Variants in RPL10A observed in about 807,000 individuals in gnomAD.
The protein encoded by RPL10A is large ribosomal subunit protein uL1.
A neutral mutation model predicts 24.6 loss-of-function variants in RPL10A; 11 were observed. That is an observed-to-expected ratio of 0.45 (90% CI 0.28 to 0.74). The LOEUF is 0.74. RPL10A is among the 30% of genes least tolerant of loss of function. The probability of loss-of-function intolerance (pLI) is 0.13; values close to 1 mark genes in which losing one functional copy is unlikely to be tolerated. For missense variants in RPL10A, 136 were observed against 273.1 expected, an observed-to-expected ratio of 0.50 and a Z score of 3.54; for synonymous variants, 98 against 108.5, an observed-to-expected ratio of 0.90 and a Z score of 0.60.
In RPL10A at chr6:35,470,405, T is replaced by A; in HGVS notation, c.483+54T>A. On this transcript the variant is annotated intron_variant, in intron 5 of 5. Transcript: ENST00000322203. The surrounding 1 kb of genome is among the most constrained non-coding windows in gnomAD (Gnocchi z 4.6). Reference sequence around the variant, plus strand: ...TGAAGGTGTTGGCAGGGTCTAAATCTTATCCAAGTCTCTAAATATGCCAGT... The same window carrying A: ...TGAAGGTGTTGGCAGGGTCTAAATCATATCCAAGTCTCTAAATATGCCAGT... 6.4e-7 allele frequency: 1 copy of A among 1,564,814 alleles called. No individual in the cohort carries two copies. The highest frequency in any genetic ancestry group is 2.3e-5 in the East Asian group (1 of 44,432).
rs996425597 is a variant in RPL10A at position 35,469,318 on chromosome 6, C to G, written c.162-63C>G. ...TCGGTGGCTGCTGCGGTCCCAGACC[C>G]TTCACCGGCCCTTGGGACCCAGGGC... is the stretch of plus-strand genomic sequence containing the variant. On this transcript the variant is annotated intron_variant, in intron 3 of 5. Coordinates refer to ENST00000322203, the MANE Select transcript of RPL10A (RefSeq NM_007104.5). The G allele has an allele frequency of 1.4e-5, 22 of 1,526,624 alleles. No individual in the cohort carries two copies. In the Admixed American group the frequency reaches 4.8e-4, roughly 33 times the overall value. The allele number at this position is 1,526,624 out of a possible 1,614,324, so 94.6% of individuals were successfully genotyped here.
In RPL10A at chr6:35,470,185, A is replaced by C; in HGVS notation, c.317A>C (p.Lys106Thr). 6.2e-7 allele frequency: 1 copy of C among 1,613,080 alleles called. No individual in the cohort carries two copies. ...NKKLVKKLAK[K>T]YDAFLASESL... ...GGCTTCCTCTCTCTATCAGCCAAGA[A>C]GTATGATGCGTTTTTGGCCTCAGAG... Residue 106 changes from lysine to threonine, a missense_variant, in exon 5 of 6, where the codon AAG (lysine) becomes ACG (threonine). This residue lies in a region of RPL10A where 88 missense variants were observed against 149.2 expected (regional missense o/e 0.59). Transcript: ENST00000322203. The surrounding 1 kb of genome is among the most constrained non-coding windows in gnomAD (Gnocchi z 4.6).
rs1055282252 is a variant in RPL10A at position 35,468,933 on chromosome 6, C to A, written c.81-14C>A. The A allele has an allele frequency of 6.2e-6, 10 of 1,613,938 alleles. No homozygotes were observed. The highest frequency in any genetic ancestry group is 1.7e-5 in the Admixed American group (1 of 60,028). On this transcript the variant is annotated splice_polypyrimidine_tract_variant and intron_variant, in intron 2 of 5. Coordinates refer to ENST00000322203, the MANE Select transcript of RPL10A (RefSeq NM_007104.5). ...GAGGGCCGGCGGGTGCTTAACCCCC[C>A]TCCTCTCTCGAAGGTTCCTGGAGAC...
rs1423418843 is a variant in RPL10A, at chr6:35,470,204, C to T, written c.336C>T (p.Ala112=). ...CCAAGAAGTATGATGCGTTTTTGGC[C>T]TCAGAGTCTCTGATCAAGCAGATTC... is the stretch of plus-strand genomic sequence containing the variant. ...KLAKKYDAFL[A]SESLIKQIPR... The change falls in exon 5 of 6, where the codon GCC becomes GCT. Residue 112 remains alanine, a synonymous_variant. Coordinates refer to ENST00000322203, the MANE Select transcript of RPL10A (RefSeq NM_007104.5). This position sits in a 1 kb window ranked among gnomAD's most constrained non-coding sequence, Gnocchi z 4.6. The T allele has an allele frequency of 2.5e-6, 4 of 1,613,428 alleles. No homozygotes were observed. In the Admixed American group the frequency reaches 5.0e-5, roughly 20 times the overall value.
At position 35,468,969 on chromosome 6, in the gene RPL10A, C is replaced by T. The variant is rs761240668; in HGVS notation, c.103C>T (p.Gln35Ter). 6.2e-7 allele frequency: 1 copy of T among 1,613,896 alleles called. No homozygotes were observed. The highest frequency in any genetic ancestry group is 2.2e-5 in the East Asian group (1 of 44,860). ...AAGGTTCCTGGAGACGGTGGAGTTG[C>T]AGATCAGCTTGAAGAACTATGATCC... ...RRKFLETVEL[Q>*]ISLKNYDPQK... The change falls in exon 3 of 6, where the codon CAG becomes TAG. Residue 35 changes from glutamine to a stop codon, truncating the protein, a stop_gained. Coordinates refer to ENST00000322203, the MANE Select transcript of RPL10A (RefSeq NM_007104.5). LOFTEE classifies it high-confidence loss of function.
intron 3 of RPL10A, 96 bp downstream of exon 3, chr6:35,469,123 T>C: frequency 6.4e-7 from 1 of 1,563,030 alleles, no homozygotes; most frequent in Non-Finnish European, 8.7e-7. Context: ...ACGTCGGTAC[T>C]GATGTGCTAG....
At position 35,468,932 on chromosome 6, in the gene RPL10A, C is replaced by T. The variant is rs768838367; in HGVS notation, c.81-15C>T. On this transcript the variant is annotated splice_polypyrimidine_tract_variant and intron_variant, in intron 2 of 5. Transcript: ENST00000322203. ...CGAGGGCCGGCGGGTGCTTAACCCC[C>T]CTCCTCTCTCGAAGGTTCCTGGAGA... 6 of 1,613,890 alleles carry T rather than the reference C, an allele frequency of 3.7e-6. No homozygotes were observed. The highest frequency in any genetic ancestry group is 3.3e-5 in the Admixed American group (2 of 60,014).
intron 1 of RPL10A, 116 bp from the exon 2 acceptor site, chr6:35,468,683 G>A (rs992339798): frequency 3.9e-6 from 6 of 1,525,454 alleles, no homozygotes; most frequent in African/African-American, 1.4e-5. Context: ...CGGAATCTAC[G>A]GGGGAGTCCG....
At position 35,469,414 on chromosome 6, in the gene RPL10A, G is replaced by T. The variant is rs372501334; in HGVS notation, c.195G>T (p.Val65=). The change falls in exon 4 of 6, where the codon GTG becomes GTT. Residue 65 remains valine, a synonymous_variant. Transcript: ENST00000322203. ...CCACTCCCCGCCCTAAGTTCTCTGT[G>T]TGTGTCCTGGGGGACCAGCAGCACT... The part of the protein sequence containing the change: ...LKSTPRPKFS[V]CVLGDQQHCD... 1.2e-6 allele frequency: 2 copies of T among 1,612,344 alleles called. No individual in the cohort carries two copies. Among genetic ancestry groups the T allele is most frequent in the Non-Finnish European group, 1.7e-6 (2 of 1,179,750 alleles).
rs753412511 is a variant in RPL10A, at chr6:35,468,844, C to T, written c.51C>T (p.Val17=). 1.4e-5 allele frequency: 22 copies of T among 1,611,962 alleles called. No homozygotes were observed. In the South Asian group the frequency reaches 2.0e-4, roughly 15 times the overall value. Residue 17 remains valine, a synonymous_variant, in exon 2 of 6, where the codon GTC becomes GTT. Coordinates refer to ENST00000322203, the MANE Select transcript of RPL10A (RefSeq NM_007104.5). ...CCCTGTACGAGGCGGTGCGGGAAGT[C>T]CTGCACGGGAACCAGCGCAAGCGCC... ...RDTLYEAVRE[V]LHGNQRKRRK...
rs1292695520 is a variant in RPL10A, at chr6:35,470,141, G to C, written c.311-38G>C. 1.3e-6 allele frequency: 2 copies of C among 1,593,874 alleles called. No homozygotes were observed. The highest frequency in any genetic ancestry group is 1.3e-5 in the African/African-American group (1 of 74,610). ...CATTTGAGGTGTGCCTTGGTGACCA[G>C]GTTCTAAGCAATGCCAATGGCTTCC... On this transcript the variant is annotated intron_variant, in intron 4 of 5. Coordinates refer to ENST00000322203, the MANE Select transcript of RPL10A (RefSeq NM_007104.5). This position sits in a 1 kb window ranked among gnomAD's most constrained non-coding sequence, Gnocchi z 4.6.
chr6:35,469,291 G>T, intron 3 of RPL10A, 90 bp from the exon 4 acceptor site: 1 of 1,510,616 alleles, frequency 6.6e-7, no homozygotes, highest in South Asian at 1.3e-5. Context: ...TCCGGGTAAG[G>T]CTCGGTGGCT....
chr6:35,470,415 C>G lies in RPL10A; in HGVS notation c.483+64C>G, dbSNP rs765101700. On this transcript the variant is annotated intron_variant, in intron 5 of 5. Transcript: ENST00000322203. This position sits in a 1 kb window ranked among gnomAD's most constrained non-coding sequence, Gnocchi z 4.6. ...GGCAGGGTCTAAATCTTATCCAAGT[C>G]TCTAAATATGCCAGTAAGAGCACCC... 18 of 1,550,642 alleles carry G rather than the reference C, an allele frequency of 1.2e-5. No individual in the cohort carries two copies. The highest frequency in any genetic ancestry group is 1.6e-5 in the Non-Finnish European group (18 of 1,145,044).
chr6:35,469,179 C>T (rs1767966024), intron 3 of RPL10A, 152 bp downstream of exon 3: 2 of 1,468,398 alleles, frequency 1.4e-6, no homozygotes, highest in South Asian at 1.4e-5. Flanking sequence ...TGGACGGACC[C>T]CCACCCTGGG....
chr6:35,469,261 C>T (rs1263903324), intron 3 of RPL10A, 120 bp from the exon 4 acceptor site: 2 of 1,503,348 alleles, frequency 1.3e-6, no homozygotes, highest in Non-Finnish European at 1.8e-6. Context: ...GCCAGGCTGG[C>T]TGCTGGTGAA....
At chr6:35,468,732 A>T in intron 1 of RPL10A, 67 bp from the exon 2 acceptor site, 1 of 1,548,696 alleles carries the variant, frequency 6.5e-7, no homozygotes, top group South Asian at 1.2e-5. Context: ...TAGACCTCGG[A>T]GGCTTCCAGG....
chr6:35,470,681 G>A lies in RPL10A; in HGVS notation c.585G>A (p.Lys195=), dbSNP rs1061163. ...LAVNFLVSLL[K]KNWQNVRALY... ...TCAACTTCTTGGTGTCATTGCTCAA[G>A]AAAAACTGGCAGAATGTCCGGGCCT... The change falls in exon 6 of 6, where the codon AAG becomes AAA. Residue 195 remains lysine (K), a synonymous_variant. Transcript: ENST00000322203. This position sits in a 1 kb window ranked among gnomAD's most constrained non-coding sequence, Gnocchi z 4.6. 1.9e-5 allele frequency: 31 copies of A among 1,611,704 alleles called. No individual in the cohort carries two copies. The African/African-American group carries it at 3.9e-4, about 20-fold the overall frequency.
intron 3 of RPL10A, 67 bp downstream of exon 3, chr6:35,469,094 C>T: frequency 6.3e-7 from 1 of 1,593,872 alleles, no homozygotes; most frequent in South Asian, 1.1e-5. Flanking sequence ...TGCAGGCTCC[C>T]GCTGAGCCGG....
rs749564941 is a variant in RPL10A at position 35,468,927 on chromosome 6, A to G, written c.81-20A>G. 1.2e-6 allele frequency: 2 copies of G among 1,613,296 alleles called. No individual in the cohort carries two copies. The highest frequency in any genetic ancestry group is 8.5e-7 in the Non-Finnish European group (1 of 1,179,754). ...GGTGGCGAGGGCCGGCGGGTGCTTA[A>G]CCCCCCTCCTCTCTCGAAGGTTCCT... On this transcript the variant is annotated intron_variant, in intron 2 of 5. Coordinates refer to ENST00000322203, the MANE Select transcript of RPL10A (RefSeq NM_007104.5).
Sources: gnomAD v4.1 joint callset for allele counts on GRCh38, gnomAD v4.1.1 for gene constraint, gnomAD v4.1.1 regional missense constraint, Gnocchi (gnomAD v3.1) non-coding constraint, MANE v1.5 for transcripts, NCBI Gene and HGNC (gene_info 2026-07-23, HGNC 2026-07-21) for gene names.